The following KIN variants were observed in gnomAD, a reference collection of about 807,000 sequenced individuals.
KIN encodes DNA/RNA-binding protein KIN17.
A neutral mutation model predicts 63.0 loss-of-function variants in KIN; 47 were observed. The observed-to-expected ratio is 0.75, with a 90% CI of 0.59 to 0.95. The LOEUF is 0.95. Among genes scored for constraint, KIN ranks in the 40% least tolerant of loss-of-function variants. The probability of loss-of-function intolerance (pLI) is 0.00; values close to 1 mark genes in which losing one functional copy is unlikely to be tolerated. For missense variants in KIN, 408 were observed against 460.9 expected (o/e 0.89, Z 1.05); for synonymous variants, 160 against 157.7 (o/e 1.01, Z -0.11).
chr10:7,775,906 C>A (rs75092293), intron 5 of KIN, 107 bp from the exon 6 acceptor site: 11 of 619,014 alleles, frequency 1.8e-5, no homozygotes, highest in Middle Eastern at 2.7e-4. Flanking sequence ...AGCTCTAATA[C>A]GCAAGTGATT....
In KIN at chr10:7,756,030, A is replaced by G. The variant is rs1358487294; in HGVS notation, c.*50T>C. The G allele has an allele frequency of 1.8e-6, 2 of 1,129,922 alleles. No homozygotes were observed. The highest frequency in any genetic ancestry group is 2.6e-6 in the Non-Finnish European group (2 of 761,390). The allele number at this position is 1,129,922 out of a possible 1,614,324, so 70.0% of individuals were successfully genotyped here. A position where few individuals can be genotyped will look rare whatever the true frequency, so the allele number is the denominator to read the frequency against. On this transcript the variant is annotated 3_prime_UTR_variant, in exon 13 of 13. Transcript: ENST00000379562. ...AGAGTCTCATAATGCCTTGGCGAAC[A>G]CCAATTTGATGCTTTAAGATTTTAA...
At chr10:7,777,246 C>CTT (rs34850717) in intron 5 of KIN, among the ~76,000 whole-genome samples, 37 of 144,584 alleles carry the variant, frequency 2.6e-4, no homozygotes, top group Admixed American at 6.9e-4. Flanking sequence ...AAAGCAAAAG[C>CTT]TTTTTTTTTT....
chr10:7,759,512 G>A (rs1482037351), intron 12 of KIN, among the ~76,000 whole-genome samples: 2 of 151,742 alleles, frequency 1.3e-5, no homozygotes, highest in East Asian at 1.9e-4. Context: ...TTTTATATTC[G>A]ATATGAGGGG....
In KIN at chr10:7,754,381, T is replaced by A. The variant is rs1310197242; in HGVS notation, c.*1699A>T. ...GAGGCGTAGTGGCTCATGCCTGTAA[T>A]CCCAGCACTTTGGGAGGCTGAGGCG... On this transcript the variant is annotated 3_prime_UTR_variant, in exon 13 of 13. Transcript: ENST00000379562. 1 of 236,114 alleles carries A rather than the reference T, an allele frequency of 4.2e-6. No individual in the cohort carries two copies. Among genetic ancestry groups the A allele is most frequent in the Non-Finnish European group, 8.6e-6 (1 of 116,430 alleles). The allele number at this position is 236,114 out of a possible 1,614,324, so 14.6% of individuals were successfully genotyped here. A position where few individuals can be genotyped will look rare whatever the true frequency, so the allele number is the denominator to read the frequency against.
chr10:7,786,413 C>T (rs747065610), intron 1 of KIN, among the ~76,000 whole-genome samples: 4 of 151,958 alleles, frequency 2.6e-5, no homozygotes, highest in Non-Finnish European at 4.4e-5. Context: ...AAAGTAAATA[C>T]GGCAAAATTA....
chr10:7,787,987 C>T lies in KIN; in HGVS notation c.-54G>A. ...ACCCCAGTACTCAGCCAGCCGGAAA[C>T]GGAACCGGGCTGGCGGCGGTGGGCG... is the stretch of plus-strand genomic sequence containing the variant. On this transcript the variant is annotated 5_prime_UTR_variant, in exon 1 of 13. Transcript: ENST00000379562. The T allele has an allele frequency of 6.9e-7, 1 of 1,441,960 alleles. No individual in the cohort carries two copies. The highest frequency in any genetic ancestry group is 2.3e-5 in the East Asian group (1 of 44,012). The allele number at this position is 1,441,960 out of a possible 1,614,324, so 89.3% of individuals were successfully genotyped here.
intron 7 of KIN, among the ~76,000 whole-genome samples, chr10:7,771,500 G>C (rs1161497291): frequency 6.6e-6 from 1 of 152,186 alleles, no homozygotes; most frequent in Admixed American, 6.5e-5. Context: ...TCAACAGTGA[G>C]TCCCCAAATA....
intron 10 of KIN, among the ~76,000 whole-genome samples, 186 bp downstream of exon 10, chr10:7,763,537 A>T: frequency 6.6e-6 from 1 of 152,236 alleles, no homozygotes; most frequent in Non-Finnish European, 1.5e-5. Flanking sequence ...GCTGAGTAGA[A>T]ACTATGGATG....
chr10:7,763,712 C>T lies in KIN; in HGVS notation c.918+11G>A. ...TTTTCACAAATTCCATTCATAATTGCACGTCCTTACCTTAACAATAGCCTT... is the reference window on the plus strand; with the variant it reads ...TTTTCACAAATTCCATTCATAATTGTACGTCCTTACCTTAACAATAGCCTT... On this transcript the variant is annotated intron_variant, in intron 10 of 12. Transcript: ENST00000379562. The T allele has an allele frequency of 7.0e-7, 1 of 1,430,360 alleles. No homozygotes were observed. The highest frequency in any genetic ancestry group is 1.3e-5 in the South Asian group (1 of 79,908). The allele number at this position is 1,430,360 out of a possible 1,614,324, so 88.6% of individuals were successfully genotyped here.
At chr10:7,761,900 G>A (rs2130990187) in intron 11 of KIN, among the ~76,000 whole-genome samples, 1 of 152,276 alleles carries the variant, frequency 6.6e-6, no homozygotes, top group South Asian at 2.1e-4. Flanking sequence ...TACTTGGGAG[G>A]CTAAGGCAGG....
chr10:7,751,314 G>C lies in KIN; in HGVS notation c.*4766C>G, dbSNP rs546596543. The C allele has an allele frequency of 1.3e-5, 2 of 152,144 alleles. No homozygotes were observed. Among genetic ancestry groups the C allele is most frequent in the Non-Finnish European group, 2.9e-5 (2 of 68,036 alleles). 9.4% of individuals were successfully genotyped at this position (152,144 alleles called of 1,614,324 possible). Reference sequence around the variant, plus strand: ...GGTAAAAATCATTTTTCATTGTAGAGGCAAAACTCTTTTTTTGGACATATC... The same window carrying C: ...GGTAAAAATCATTTTTCATTGTAGACGCAAAACTCTTTTTTTGGACATATC... On this transcript the variant is annotated 3_prime_UTR_variant, in exon 13 of 13. Coordinates refer to ENST00000379562, the MANE Select transcript of KIN (RefSeq NM_012311.4).
intron 5 of KIN, 119 bp downstream of exon 5, chr10:7,778,719 G>T: frequency 2.9e-6 from 3 of 1,043,780 alleles, no homozygotes; most frequent in Non-Finnish European, 4.3e-6. Flanking sequence ...AGCCTGGGCG[G>T]CAGAGCAAGA....
chr10:7,769,893 A>G (rs772707946), intron 7 of KIN, among the ~76,000 whole-genome samples: 2 of 152,218 alleles, frequency 1.3e-5, no homozygotes, highest in South Asian at 2.1e-4. Context: ...CGTGTTACTT[A>G]AAAGTTTTTA....
chr10:7,778,959 G>C lies in KIN; in HGVS notation c.437C>G (p.Pro146Arg), dbSNP rs745992781. ...GWYIQYIDRD[P>R]ETIRRQLELE... ...TTCCAGTTGCCGGCGGATAGTTTCT[G>C]GGTCCCTGTCTATGTACTGAATATA... is the stretch of plus-strand genomic sequence containing the variant. The change falls in exon 5 of 13, where the codon CCA (proline) becomes CGA (arginine). Residue 146 changes from proline (P) to arginine (R), a missense_variant. Coordinates refer to ENST00000379562, the MANE Select transcript of KIN (RefSeq NM_012311.4). The C allele has an allele frequency of 6.2e-7, 1 of 1,613,952 alleles. No individual in the cohort carries two copies. The highest frequency in any genetic ancestry group is 1.7e-5 in the Admixed American group (1 of 59,990).
intron 10 of KIN, among the ~76,000 whole-genome samples, chr10:7,763,381 GT>G (rs1400013185): frequency 6.6e-6 from 1 of 152,172 alleles, no homozygotes; most frequent in Non-Finnish European, 1.5e-5. Flanking sequence ...AGTAATTGCA[GT>G]TTTTGCCACT....
rs1835496481 is a variant in KIN at position 7,764,264 on chromosome 10, C to T, written c.850-473G>A. 5.3e-5 allele frequency among the ~76,000 whole-genome samples: 8 copies of T among 152,284 alleles called. No individual in the cohort carries two copies. The South Asian group carries it at 1.7e-3, about 32-fold the overall frequency. ...AGGACAGTTCTCACTATGCCCCTTT[C>T]TCATTAAGTTGCTTTGAATTTTCAT... On this transcript the variant is annotated intron_variant, in intron 9 of 12. Coordinates refer to ENST00000379562, the MANE Select transcript of KIN (RefSeq NM_012311.4).
rs183075558 is a variant in KIN at position 7,784,403 on chromosome 10, T to G, written c.115-1228A>C. 1.1e-4 allele frequency among the ~76,000 whole-genome samples: 16 copies of G among 152,104 alleles called. No individual in the cohort carries two copies. The East Asian group carries it at 3.1e-3, about 29-fold the overall frequency. On this transcript the variant is annotated intron_variant, in intron 1 of 12. Coordinates refer to ENST00000379562, the MANE Select transcript of KIN (RefSeq NM_012311.4). ...TTCAAGACCAACCTGAGCAACACAATGAGACCTCCATCTCCACAAGATATT... is the reference window on the plus strand; with the variant it reads ...TTCAAGACCAACCTGAGCAACACAAGGAGACCTCCATCTCCACAAGATATT...
intron 8 of KIN, among the ~76,000 whole-genome samples, chr10:7,768,541 C>CA (rs34335990): frequency 0.34 from 50,213 of 148,166 alleles, 9,229 homozygotes; most frequent in Non-Finnish European, 0.42. Context: ...AAACAGCAAC[C>CA]AAAAAAAAAA....
intron 2 of KIN, among the ~76,000 whole-genome samples, chr10:7,782,293 T>C (rs1317953118): frequency 1.3e-5 from 2 of 152,184 alleles, no homozygotes; most frequent in Non-Finnish European, 2.9e-5. Flanking sequence ...TAATCTGAAT[T>C]GAATATAGGC....
Sources: allele counts gnomAD v4.1 joint callset (sites outside exome capture counted in the v4.1 genomes callset), GRCh38; gene constraint gnomAD v4.1.1; transcripts MANE v1.5; gene names NCBI Gene and HGNC (gene_info 2026-07-23, HGNC 2026-07-21).